CLSTN2: variants seen among roughly 807,000 people sequenced by gnomAD.
CLSTN2 encodes calsyntenin 2.
A neutral mutation model predicts 101.2 loss-of-function variants in CLSTN2; 48 were observed. The ratio of observed to expected loss-of-function variants is 0.47; its 90% confidence interval spans 0.38 to 0.60. The LOEUF is 0.60. Among genes scored for constraint, CLSTN2 ranks in the 20% least tolerant of loss-of-function variants. The probability of loss-of-function intolerance (pLI) is 0.00; values close to 1 mark genes in which losing one functional copy is unlikely to be tolerated. For synonymous variants in CLSTN2, 481 were observed against 463.6 expected (o/e 1.04, Z -0.48); for missense variants, 1,160 against 1,238.2 (o/e 0.94, Z 0.95).
chr3:140,140,067 A>AG (rs2009673807), intron 1 of CLSTN2, among the ~76,000 whole-genome samples: 1 of 152,174 alleles, frequency 6.6e-6, no homozygotes, highest in African/African-American at 2.4e-5. Context: ...CACCAGCCTC[A>AG]GGTTTTTTGA....
chr3:140,519,914 G>A (rs969805262), intron 8 of CLSTN2, among the ~76,000 whole-genome samples: 1 of 152,142 alleles, frequency 6.6e-6, no homozygotes, highest in Admixed American at 6.6e-5. Context: ...ACTGGTTTGT[G>A]TACTTCAGTG....
Position 140,036,166 on chromosome 3 carries a change from T to G in CLSTN2, c.109+100683T>G, listed in dbSNP as rs140263613. Among the ~76,000 whole-genome samples, 50 of 152,354 alleles carry G rather than the reference T, an allele frequency of 3.3e-4. No homozygotes were observed. The East Asian group carries it at 7.5e-3, about 23-fold the overall frequency. On this transcript the variant is annotated intron_variant, in intron 1 of 16. Transcript: ENST00000458420. ...TGCCCTTGTTTCCTGGTGCCTGGCC[T>G]AGGATTCAGTACTATCTGTAAGCTA...
intron 2 of CLSTN2, among the ~76,000 whole-genome samples, chr3:140,300,922 A>G (rs1403500185): frequency 2.0e-5 from 3 of 152,162 alleles, no homozygotes; most frequent in Non-Finnish European, 4.4e-5. Flanking sequence ...AAGCCAGGGT[A>G]TAATTGTAAT....
At chr3:140,475,551 G>A (rs1933964876) in intron 8 of CLSTN2, among the ~76,000 whole-genome samples, 1 of 152,204 alleles carries the variant, frequency 6.6e-6, no homozygotes, top group Non-Finnish European at 1.5e-5. Flanking sequence ...GAGAGCTACA[G>A]GGATGCCATT....
intron 2 of CLSTN2, among the ~76,000 whole-genome samples, chr3:140,322,127 G>A (rs78275858): frequency 0.022 from 3,365 of 152,342 alleles, 64 homozygotes; most frequent in Non-Finnish European, 0.035. Flanking sequence ...CAAGCACTTT[G>A]TCAGCAAAAG....
chr3:140,012,593 G>C (rs1404819751), intron 1 of CLSTN2, among the ~76,000 whole-genome samples: 2 of 152,126 alleles, frequency 1.3e-5, no homozygotes, highest in African/African-American at 4.8e-5. Context: ...ATCTTTCCCA[G>C]ACTCCCCAGT....
intron 1 of CLSTN2, among the ~76,000 whole-genome samples, chr3:140,065,214 G>A (rs1560084266): frequency 1.3e-5 from 2 of 152,220 alleles, no homozygotes; most frequent in South Asian, 4.1e-4. Flanking sequence ...ACCTGCAAGG[G>A]CAGGTGTGTG....
At chr3:140,540,129 G>A (rs349550) in intron 9 of CLSTN2, among the ~76,000 whole-genome samples, 152,103 of 152,296 alleles carry the variant, frequency 1, 75,955 homozygotes, top group Non-Finnish European at 1. Context: ...GAAGAACAAA[G>A]CAACATTCTG....
chr3:140,172,421 C>A (rs2010253479), intron 1 of CLSTN2, among the ~76,000 whole-genome samples: 1 of 152,096 alleles, frequency 6.6e-6, no homozygotes, highest in South Asian at 2.1e-4. Context: ...ACCCATCAAA[C>A]AAGACATAGA....
At chr3:140,304,471 C>T (rs936955936) in intron 2 of CLSTN2, among the ~76,000 whole-genome samples, 10 of 152,170 alleles carry the variant, frequency 6.6e-5, no homozygotes, top group East Asian at 1.9e-4. Context: ...ATGTTCATAA[C>T]GGCAGAGAGC....
At chr3:140,272,186 G>A (rs1309927853) in intron 2 of CLSTN2, among the ~76,000 whole-genome samples, 1 of 152,108 alleles carries the variant, frequency 6.6e-6, no homozygotes, top group African/African-American at 2.4e-5. Flanking sequence ...TAGGGATATT[G>A]GGGGAAAAAA....
intron 2 of CLSTN2, among the ~76,000 whole-genome samples, chr3:140,269,500 G>C (rs2086722554): frequency 6.6e-6 from 1 of 152,206 alleles, no homozygotes; most frequent in Non-Finnish European, 1.5e-5. Context: ...AAGAAGATTA[G>C]ACTTGGTATT....
chr3:140,355,076 C>T (rs149970280), intron 2 of CLSTN2, among the ~76,000 whole-genome samples: 1 of 152,284 alleles, frequency 6.6e-6, no homozygotes, highest in Admixed American at 6.5e-5. Context: ...CTGCACCCAG[C>T]TCTCACTGTG....
chr3:140,147,863 T>A (rs2009803600), intron 1 of CLSTN2, among the ~76,000 whole-genome samples: 1 of 152,226 alleles, frequency 6.6e-6, no homozygotes, highest in Admixed American at 6.5e-5. Flanking sequence ...TGTGGCCATA[T>A]GAGGAGGTAC....
chr3:140,261,062 G>A (rs1465238203), intron 2 of CLSTN2, among the ~76,000 whole-genome samples: 1 of 152,064 alleles, frequency 6.6e-6, no homozygotes, highest in Non-Finnish European at 1.5e-5. Context: ...GGAAGTGTTT[G>A]TTAGGTCTCC....
chr3:140,104,498 G>T (rs912097832), intron 1 of CLSTN2, among the ~76,000 whole-genome samples: 1 of 152,190 alleles, frequency 6.6e-6, no homozygotes, highest in African/African-American at 2.4e-5. Context: ...TAAGACTATA[G>T]TAGTGTTAGT....
chr3:140,143,352 G>T (rs2009731859), intron 1 of CLSTN2, among the ~76,000 whole-genome samples: 2 of 152,042 alleles, frequency 1.3e-5, no homozygotes, highest in African/African-American at 4.8e-5. Flanking sequence ...GAGAACGAGG[G>T]GTCCGGGGTC....
intron 2 of CLSTN2, among the ~76,000 whole-genome samples, chr3:140,265,168 T>A (rs1422609244): frequency 6.6e-6 from 1 of 152,164 alleles, no homozygotes; most frequent in African/African-American, 2.4e-5. Context: ...AACCAGGAAT[T>A]GGGCCCAAAC....
intron 1 of CLSTN2, among the ~76,000 whole-genome samples, chr3:140,059,534 G>A (rs987102279): frequency 6.6e-6 from 1 of 152,194 alleles, no homozygotes; most frequent in African/African-American, 2.4e-5. Flanking sequence ...ACCCTGCTCA[G>A]TCTTCCCCTC....
Sources: allele counts gnomAD v4.1 joint callset (sites outside exome capture counted in the v4.1 genomes callset), GRCh38; gene constraint gnomAD v4.1.1; transcripts MANE v1.5; gene names NCBI Gene and HGNC (gene_info 2026-07-23, HGNC 2026-07-21).